The following ATP5MC2 variants were observed in gnomAD, a reference collection of about 807,000 sequenced individuals.
ATP5MC2 encodes the protein ATP synthase F(0) complex subunit C2, mitochondrial.
A neutral mutation model predicts 13.5 loss-of-function variants in ATP5MC2; 11 were observed. That is an observed-to-expected ratio of 0.81 (90% CI 0.51 to 1.35). ATP5MC2 has a LOEUF of 1.35. Ranked by LOEUF, ATP5MC2 falls within the 40% of genes most tolerant of loss-of-function variation. The probability of loss-of-function intolerance (pLI) is 0.00; values close to 1 mark genes in which losing one functional copy is unlikely to be tolerated. For synonymous variants in ATP5MC2, 64 were observed against 69.7 expected, an observed-to-expected ratio of 0.92 and a Z score of 0.41; for missense variants, 132 against 175.0, an observed-to-expected ratio of 0.75 and a Z score of 1.39.
At chr12:53,674,005 C>T (rs376748493) in intron 1 of ATP5MC2, 5 of 152,686 alleles carry the variant, frequency 3.3e-5, no homozygotes, top group African/African-American at 1.2e-4. Context: ...GGGTGGTGTA[C>T]GTATTAAAAA....
intron 1 of ATP5MC2, among the ~76,000 whole-genome samples, chr12:53,675,419 A>G (rs1264875481): frequency 6.6e-6 from 1 of 152,196 alleles, no homozygotes; most frequent in Non-Finnish European, 1.5e-5. Context: ...GATGCGAGAA[A>G]GGTACTGGTA....
At chr12:53,676,676 AG>A (rs527466220), upstream of ATP5MC2, 59 of 176,668 alleles carry the variant, frequency 3.3e-4, no homozygotes, top group East Asian at 5.4e-3. Flanking sequence ...GCCAGAAGAT[AG>A]GGTTAAATAT....
intron 1 of ATP5MC2, among the ~76,000 whole-genome samples, chr12:53,674,294 T>A (rs919457220): frequency 6.6e-6 from 1 of 152,222 alleles, no homozygotes; most frequent in East Asian, 1.9e-4. Context: ...CAGTGAGCTA[T>A]GATCACGCCA....
upstream of ATP5MC2, among the ~76,000 whole-genome samples, chr12:53,677,822 A>G (rs1202743422): frequency 6.6e-6 from 1 of 152,214 alleles, no homozygotes; most frequent in Non-Finnish European, 1.5e-5. Flanking sequence ...TGTTAGGAGA[A>G]AGACAGGCTA....
At chr12:53,666,632 T>C (rs1243101918) in intron 4 of ATP5MC2, among the ~76,000 whole-genome samples, 9 of 149,664 alleles carry the variant, frequency 6.0e-5, no homozygotes, top group African/African-American at 2.2e-4. Context: ...TAGCGGTGCG[T>C]ACCTGTAATC....
chr12:53,665,698 C>T (rs2138009788), intron 4 of ATP5MC2, among the ~76,000 whole-genome samples: 1 of 152,136 alleles, frequency 6.6e-6, no homozygotes, highest in South Asian at 2.1e-4. Context: ...CATCTCATTA[C>T]CACAAATTAA....
intron 2 of ATP5MC2, among the ~76,000 whole-genome samples, chr12:53,671,381 T>TA (rs529013963): frequency 3.9e-4 from 59 of 152,352 alleles, no homozygotes; most frequent in African/African-American, 1.4e-3. Context: ...AGGCACATGG[T>TA]AAATGCTCAA....
chr12:53,678,362 CA>C (rs1945319519), upstream of ATP5MC2, among the ~76,000 whole-genome samples: 1 of 111,002 alleles, frequency 9.0e-6, no homozygotes. Flanking sequence ...CCACCACCAC[CA>C]CCATCACCAC....
rs1406281414 is a variant in ATP5MC2, at chr12:53,672,640, GGA to G, written c.-28_-27del. 1 of 1,575,238 alleles carries G rather than the reference GGA, an allele frequency of 6.3e-7. No homozygotes were observed. The highest frequency in any genetic ancestry group is 8.6e-7 in the Non-Finnish European group (1 of 1,159,808). ...TTTCAGGGGGTGAGGAGCTGTGGCA[GGA>G]GAGCTGGAATTACAGAAGCAGTATT... On this transcript the variant is annotated 5_prime_UTR_variant, in exon 2 of 5. Coordinates refer to ENST00000394349, the MANE Select transcript of ATP5MC2 (RefSeq NM_005176.7).
chr12:53,679,233 A>G (rs113359396), upstream of ATP5MC2, among the ~76,000 whole-genome samples: 1,706 of 111,162 alleles, frequency 0.015, 31 homozygotes, highest in African/African-American at 0.066. Context: ...GAGTGATTTT[A>G]AAAACGAGAG....
At chr12:53,675,308 C>T (rs1945232142) in intron 1 of ATP5MC2, among the ~76,000 whole-genome samples, 1 of 152,212 alleles carries the variant, frequency 6.6e-6, no homozygotes, top group East Asian at 1.9e-4. Flanking sequence ...GCTGGCCCCA[C>T]TAGCTTGGCC....
chr12:53,666,432 C>T (rs1298123847), intron 4 of ATP5MC2, among the ~76,000 whole-genome samples: 8 of 152,020 alleles, frequency 5.3e-5, no homozygotes, highest in African/African-American at 1.9e-4. Flanking sequence ...AAAAAATTAG[C>T]CAGGCGTGTT....
chr12:53,668,303 C>CTTT (rs1268670313), intron 4 of ATP5MC2, among the ~76,000 whole-genome samples: 1 of 142,212 alleles, frequency 7.0e-6, no homozygotes, highest in Non-Finnish European at 1.5e-5. Flanking sequence ...TTGTTTTTTT[C>CTTT]TTTTTTTTTT....
intron 1 of ATP5MC2, among the ~76,000 whole-genome samples, chr12:53,675,458 C>T (rs886527354): frequency 8.5e-5 from 13 of 152,212 alleles, no homozygotes; most frequent in Non-Finnish European, 1.6e-4. Flanking sequence ...AGCAACCAGC[C>T]TCTCTCTTCT....
At chr12:53,667,954 CACATATATATATATATATATAT>C (rs1170407188) in intron 4 of ATP5MC2, among the ~76,000 whole-genome samples, 3 of 26,968 alleles carry the variant, frequency 1.1e-4, no homozygotes, top group African/African-American at 1.5e-4. Context: ...TACATACACA[CACATATATATATATATATATAT>C]ATATATATAT....
At chr12:53,680,740 A>G (rs1300577766), upstream of ATP5MC2, among the ~76,000 whole-genome samples, 5 of 152,220 alleles carry the variant, frequency 3.3e-5, no homozygotes, top group East Asian at 3.9e-4. Context: ...CAAGTAATGT[A>G]TATCCATTTA....
chr12:53,677,151 T>TGTCCTCCCCTCCTTGGCCCC (rs1198501447), upstream of ATP5MC2: 1 of 152,756 alleles, frequency 6.5e-6, no homozygotes, highest in African/African-American at 2.4e-5. Flanking sequence ...AGGGGCCGTT[T>TGTCCTCCCCTCCTTGGCCCC]GTCCTCCCCT....
intron 2 of ATP5MC2, 21 bp from the exon 3 acceptor site, chr12:53,669,969 G>A: frequency 6.2e-7 from 1 of 1,612,434 alleles, no homozygotes; most frequent in Non-Finnish European, 8.5e-7. Context: ...TGACATACAG[G>A]GGCAGGAAGG....
At chr12:53,665,758 G>GGCATCCAGAGTGGAAGC (rs1944896058) in intron 4 of ATP5MC2, among the ~76,000 whole-genome samples, 1 of 43,512 alleles carries the variant, frequency 2.3e-5, no homozygotes, top group Non-Finnish European at 3.7e-5. Flanking sequence ...AGGATGGAAG[G>GGCATCCAGAGTGGAAGC]GTCTATCTAG....
Sources: gnomAD v4.1 joint callset for allele counts (sites outside exome capture counted in the v4.1 genomes callset) on GRCh38, gnomAD v4.1.1 for gene constraint, MANE v1.5 for transcripts, NCBI Gene and HGNC (gene_info 2026-07-23, HGNC 2026-07-21) for gene names.